FXR1: variants seen among roughly 807,000 people sequenced by gnomAD.
FXR1 encodes the protein RNA-binding protein FXR1.
Under a neutral mutation model 84.0 loss-of-function variants are expected in FXR1, and 15 were observed. That is an observed-to-expected ratio of 0.18 (90% CI 0.12 to 0.27). The LOEUF (loss-of-function observed/expected upper bound fraction) is 0.27, where lower values mean the gene tolerates loss of function less well. Among genes scored for constraint, FXR1 ranks in the 10% least tolerant of loss-of-function variants. The pLI is 1.00. For missense variants in FXR1, 480 were observed against 774.4 expected, an observed-to-expected ratio of 0.62 and a Z score of 4.51; for synonymous variants, 245 against 250.7, an observed-to-expected ratio of 0.98 and a Z score of 0.21.
At position 180,962,942 on chromosome 3, in the gene FXR1, T is replaced by C; in HGVS notation, c.1135+2T>C. The stretch of plus-strand genomic sequence containing the variant: ...TTGATGAACAGCTGCGACAGATTGG[T>C]ATGGGTTTCAGACCTTCTTCCACCA... On this transcript the variant is annotated splice_donor_variant, in intron 12 of 16. Transcript: ENST00000357559. LOFTEE classifies it high-confidence loss of function. 6.2e-7 allele frequency: 1 copy of C among 1,613,142 alleles called. No individual in the cohort carries two copies. The highest frequency in any genetic ancestry group is 8.5e-7 in the Non-Finnish European group (1 of 1,179,200).
chr3:180,971,236 C>A (rs544277150), intron 15 of FXR1: 42 of 410,004 alleles, frequency 1.0e-4, no homozygotes, highest in South Asian at 8.1e-4. Context: ...ATATATTATA[C>A]TTACATGTAC....
chr3:180,966,760 A>T (rs1323391143), intron 13 of FXR1, among the ~76,000 whole-genome samples: 2 of 152,122 alleles, frequency 1.3e-5, no homozygotes, highest in Non-Finnish European at 2.9e-5. Context: ...ATGGGGAGAG[A>T]TCTGTCTTAG....
chr3:180,967,318 C>T (rs181334405), intron 13 of FXR1, among the ~76,000 whole-genome samples: 284 of 152,026 alleles, frequency 1.9e-3, no homozygotes, highest in Admixed American at 3.3e-3. Flanking sequence ...AATAAAGATG[C>T]CATCAATTAT....
At chr3:180,966,775 A>T (rs1712889143) in intron 13 of FXR1, among the ~76,000 whole-genome samples, 1 of 152,166 alleles carries the variant, frequency 6.6e-6, no homozygotes, top group Admixed American at 6.5e-5. Context: ...TCTTAGTTGC[A>T]GTGGTCTGAA....
At chr3:180,932,076 A>AG in intron 1 of FXR1, among the ~76,000 whole-genome samples, 1 of 4,014 alleles carries the variant, frequency 2.5e-4, no homozygotes, top group East Asian at 0.019. Flanking sequence ...TGTAAGTTTC[A>AG]AAAAAAAAAA....
intron 1 of FXR1, among the ~76,000 whole-genome samples, chr3:180,926,997 C>G (rs1337260591): frequency 6.6e-6 from 1 of 152,022 alleles, no homozygotes; most frequent in African/African-American, 2.4e-5. Flanking sequence ...ATCTATTGAT[C>G]AGTATTTCAA....
intron 16 of FXR1, 73 bp downstream of exon 16, chr3:180,975,477 C>A: frequency 1.7e-6 from 1 of 574,202 alleles, no homozygotes; most frequent in Non-Finnish European, 3.1e-6. Context: ...TTTTTTACTA[C>A]TTTTACTGTG....
At chr3:180,959,438 T>C (rs1311449238) in intron 10 of FXR1, among the ~76,000 whole-genome samples, 1 of 152,108 alleles carries the variant, frequency 6.6e-6, no homozygotes, top group Non-Finnish European at 1.5e-5. Flanking sequence ...AACAAATAGA[T>C]GTTATTTGGA....
intron 3 of FXR1, among the ~76,000 whole-genome samples, chr3:180,937,530 G>A (rs989779969): frequency 4.6e-5 from 7 of 151,944 alleles, no homozygotes; most frequent in Admixed American, 2.6e-4. Context: ...TAAATTTCAC[G>A]TTATGTTTTA....
At chr3:180,971,034 G>A (rs748224048) in intron 15 of FXR1, 3 of 727,166 alleles carry the variant, frequency 4.1e-6, no homozygotes, top group Non-Finnish European at 5.5e-6. Context: ...TTTTTTGTTT[G>A]TTTTTGTCAG....
intron 15 of FXR1, 38 bp from the exon 16 acceptor site, chr3:180,975,275 T>C (rs1250551932): frequency 1.2e-6 from 1 of 814,070 alleles, no homozygotes; most frequent in Non-Finnish European, 2.0e-6. Context: ...TTAGAAATAT[T>C]TTTTCAACAC....
chr3:180,913,623 G>C (rs1717516740), intron 1 of FXR1, among the ~76,000 whole-genome samples: 1 of 152,140 alleles, frequency 6.6e-6, no homozygotes. Context: ...TAGAGTAGAG[G>C]AATTTGGTGG....
intron 1 of FXR1, chr3:180,927,960 T>C (rs542534496): frequency 2.0e-4 from 56 of 279,910 alleles, no homozygotes; most frequent in Non-Finnish European, 3.1e-4. Context: ...GATGCTTTTA[T>C]ATTTTAGCTT....
chr3:180,915,544 A>C, intron 1 of FXR1: 1 of 1,388,540 alleles, frequency 7.2e-7, no homozygotes, highest in African/African-American at 1.4e-5. Flanking sequence ...TTTGGAACTC[A>C]GCAAAAACTA....
chr3:180,928,310 T>G (rs1719469255), intron 1 of FXR1, among the ~76,000 whole-genome samples: 1 of 152,128 alleles, frequency 6.6e-6, no homozygotes, highest in Non-Finnish European at 1.5e-5. Flanking sequence ...TATTGTAGTT[T>G]TAAAATAATC....
chr3:180,953,965 T>G, intron 9 of FXR1, 125 bp downstream of exon 9: 1 of 588,272 alleles, frequency 1.7e-6, no homozygotes, highest in Admixed American at 3.3e-5. Flanking sequence ...TTTATTTAGA[T>G]AGCAATACTT....
At chr3:180,964,675 A>T (rs1271892826) in intron 13 of FXR1, among the ~76,000 whole-genome samples, 16 of 24,640 alleles carry the variant, frequency 6.5e-4, no homozygotes, top group African/African-American at 1.6e-3. Flanking sequence ...TAGTTGATTT[A>T]TATATATATA....
intron 10 of FXR1, 80 bp downstream of exon 10, chr3:180,958,008 TTTATC>T: frequency 3.2e-6 from 2 of 617,114 alleles, no homozygotes; most frequent in Non-Finnish European, 5.8e-6. Context: ...TTTTGTCTGT[TTTATC>T]TGATACAGAG....
At chr3:180,973,285 T>C (rs1713813674) in intron 15 of FXR1, among the ~76,000 whole-genome samples, 1 of 152,230 alleles carries the variant, frequency 6.6e-6, no homozygotes, top group Non-Finnish European at 1.5e-5. Context: ...AGTTGATAAC[T>C]ATATCAAAAT....
Sources: gnomAD v4.1 joint callset for allele counts (sites outside exome capture counted in the v4.1 genomes callset) on GRCh38, gnomAD v4.1.1 for gene constraint, MANE v1.5 for transcripts, NCBI Gene and HGNC (gene_info 2026-07-23, HGNC 2026-07-21) for gene names.